KLHL6: variants seen among roughly 807,000 people sequenced by gnomAD.
KLHL6 encodes kelch like family member 6.
A neutral mutation model predicts 58.6 loss-of-function variants in KLHL6; 41 were observed. The ratio of observed to expected loss-of-function variants is 0.70; its 90% CI spans 0.55 to 0.91. The LOEUF (loss-of-function observed/expected upper bound fraction) is 0.91. Ranked by LOEUF, KLHL6 falls within the 40% of genes least tolerant of loss-of-function variation. The probability of loss-of-function intolerance (pLI) is 0.00; values close to 1 mark genes in which losing one functional copy is unlikely to be tolerated. For missense variants in KLHL6, 714 were observed against 805.6 expected (o/e 0.89, Z 1.38); for synonymous variants, 338 against 322.7 (o/e 1.05, Z -0.51).
chr3:183,546,668 T>A (rs1712728112), intron 1 of KLHL6, among the ~76,000 whole-genome samples: 1 of 152,218 alleles, frequency 6.6e-6, no homozygotes. Context: ...AGAGTTGATT[T>A]CTGTTTCTCA....
chr3:183,519,782 G>A (rs2108680717), intron 2 of KLHL6, among the ~76,000 whole-genome samples: 1 of 150,506 alleles, frequency 6.6e-6, no homozygotes, highest in South Asian at 2.1e-4. Flanking sequence ...TATATTCCCA[G>A]CTACTTGAAA....
intron 1 of KLHL6, among the ~76,000 whole-genome samples, chr3:183,531,518 T>C (rs2108687243): frequency 6.8e-6 from 1 of 147,952 alleles, no homozygotes; most frequent in African/African-American, 2.6e-5. Context: ...GGCACAATCT[T>C]GGCTCACTGC....
chr3:183,498,090 C>A (rs1577176501), intron 4 of KLHL6, among the ~76,000 whole-genome samples: 1 of 151,988 alleles, frequency 6.6e-6, no homozygotes, highest in Non-Finnish European at 1.5e-5. Context: ...AAAAATTAGC[C>A]GGATGTGGTG....
Position 183,491,605 on chromosome 3 carries a change from G to A in KLHL6, c.*322C>T, listed in dbSNP as rs1330734024. 8.0e-6 allele frequency: 2 copies of A among 249,746 alleles called. No homozygotes were observed. The highest frequency in any genetic ancestry group is 1.5e-5 in the Non-Finnish European group (2 of 131,412). The allele number at this position is 249,746 out of a possible 1,614,324, so 15.5% of individuals were successfully genotyped here. A position where few individuals can be genotyped will look rare whatever the true frequency, so the allele number is the denominator to read the frequency against. ...TGGTTCCCTCACCTGTAAACTAGAA[G>A]TGATAAGAGCCAGTCACCAGGTTAA... On this transcript the variant is annotated 3_prime_UTR_variant, in exon 7 of 7. Transcript: ENST00000341319.
intron 2 of KLHL6, among the ~76,000 whole-genome samples, chr3:183,511,839 AT>A (rs1211537618): frequency 6.6e-6 from 1 of 152,076 alleles, no homozygotes; most frequent in Non-Finnish European, 1.5e-5. Flanking sequence ...GGGCAGAGCA[AT>A]TTTTCAGGGT....
At chr3:183,534,839 T>C (rs1312964153) in intron 1 of KLHL6, among the ~76,000 whole-genome samples, 1 of 151,882 alleles carries the variant, frequency 6.6e-6, no homozygotes, top group Non-Finnish European at 1.5e-5. Flanking sequence ...ACTTACATTC[T>C]TTTTCTCATA....
At chr3:183,509,141 A>G (rs1450809457) in intron 2 of KLHL6, among the ~76,000 whole-genome samples, 1 of 152,244 alleles carries the variant, frequency 6.6e-6, no homozygotes, top group African/African-American at 2.4e-5. Flanking sequence ...AAAGATAAAC[A>G]GAGATTTAAG....
Position 183,490,760 on chromosome 3 carries a change from A to T in KLHL6, c.*1167T>A, listed in dbSNP as rs1005171028. On this transcript the variant is annotated 3_prime_UTR_variant, in exon 7 of 7. Coordinates refer to ENST00000341319, the MANE Select transcript of KLHL6 (RefSeq NM_130446.4). ...ACAGAGGTTGCAGTGAGCCGAGATC[A>T]TGCCACTGCACTCCAGCCTGGGCGA... 2 of 151,582 alleles carry T rather than the reference A, an allele frequency of 1.3e-5. No individual in the cohort carries two copies. The highest frequency in any genetic ancestry group is 2.4e-5 in the African/African-American group (1 of 41,150). 9.4% of individuals were successfully genotyped at this position (151,582 alleles called of 1,614,324 possible). A position where few individuals can be genotyped will look rare whatever the true frequency, so the allele number is the denominator to read the frequency against.
chr3:183,510,467 G>T (rs1028462239), intron 2 of KLHL6, among the ~76,000 whole-genome samples: 11 of 152,192 alleles, frequency 7.2e-5, no homozygotes, highest in African/African-American at 2.4e-4. Context: ...GGTGACCTAG[G>T]CTCTGGACTT....
At chr3:183,502,063 G>A (rs982130781) in intron 3 of KLHL6, among the ~76,000 whole-genome samples, 3 of 152,138 alleles carry the variant, frequency 2.0e-5, no homozygotes, top group African/African-American at 7.2e-5. Flanking sequence ...GTCGAGGCAG[G>A]TGGATCACCT....
At chr3:183,496,165 A>T (rs771133557) in intron 4 of KLHL6, among the ~76,000 whole-genome samples, 5 of 152,202 alleles carry the variant, frequency 3.3e-5, no homozygotes, top group Non-Finnish European at 7.4e-5. Flanking sequence ...AAATATTTGC[A>T]ACACAAATAG....
At chr3:183,510,874 A>AAAATAAATAAATAAAT (rs55944280) in intron 2 of KLHL6, among the ~76,000 whole-genome samples, 34,348 of 147,974 alleles carry the variant, frequency 0.23, 4,991 homozygotes, top group Non-Finnish European at 0.32. Context: ...ACTCCATCTC[A>AAAATAAATAAATAAAT]AAATAAATAA....
chr3:183,554,526 A>T (rs1404884139), intron 1 of KLHL6, among the ~76,000 whole-genome samples: 1 of 152,154 alleles, frequency 6.6e-6, no homozygotes, highest in Non-Finnish European at 1.5e-5. Flanking sequence ...CCACTATGAG[A>T]TCACCAGTTT....
intron 1 of KLHL6, among the ~76,000 whole-genome samples, chr3:183,542,228 G>C (rs1712575522): frequency 6.6e-6 from 1 of 152,136 alleles, no homozygotes; most frequent in Admixed American, 6.5e-5. Context: ...ACAGTGCAAA[G>C]GATTATTTTA....
chr3:183,500,790 G>A (rs73070587), intron 3 of KLHL6, among the ~76,000 whole-genome samples: 1,641 of 152,268 alleles, frequency 0.011, 25 homozygotes, highest in African/African-American at 0.037. Context: ...GGCAGCAACC[G>A]TTTCCCAGAT....
intron 2 of KLHL6, among the ~76,000 whole-genome samples, chr3:183,518,303 G>A (rs918923634): frequency 3.3e-5 from 5 of 152,032 alleles, no homozygotes; most frequent in African/African-American, 7.2e-5. Flanking sequence ...AACTCACCTC[G>A]CAGGCTCACA....
At chr3:183,514,970 A>G (rs1711515437) in intron 2 of KLHL6, among the ~76,000 whole-genome samples, 1 of 151,952 alleles carries the variant, frequency 6.6e-6, no homozygotes, top group African/African-American at 2.4e-5. Context: ...ATGCCCGGCC[A>G]GGGCTATTTT....
At chr3:183,526,305 C>T (rs1711965669) in intron 2 of KLHL6, among the ~76,000 whole-genome samples, 2 of 152,146 alleles carry the variant, frequency 1.3e-5, no homozygotes, top group Admixed American at 1.3e-4. Flanking sequence ...GAGTGAAACT[C>T]CATCTCAAAT....
At chr3:183,498,318 G>C (rs1717770952) in intron 4 of KLHL6, among the ~76,000 whole-genome samples, 1 of 152,212 alleles carries the variant, frequency 6.6e-6, no homozygotes, top group Non-Finnish European at 1.5e-5. Flanking sequence ...TGCATCCAAA[G>C]AATGACCTGC....
Sources: gnomAD v4.1 joint callset for allele counts (sites outside exome capture counted in the v4.1 genomes callset) on GRCh38, gnomAD v4.1.1 for gene constraint, MANE v1.5 for transcripts, NCBI Gene and HGNC (gene_info 2026-07-23, HGNC 2026-07-21) for gene names.